Variants in MMAB observed in about 807,000 individuals in gnomAD.
MMAB encodes the protein metabolism of cobalamin associated B.
MMAB carries 17 observed loss-of-function variants against 30.6 expected under a neutral mutation model. The observed-to-expected ratio is 0.56, with a 90% CI of 0.38 to 0.83. The LOEUF is 0.83. MMAB is among the 40% of genes least tolerant of loss of function. The probability of loss-of-function intolerance (pLI) is 0.00; values close to 1 mark genes in which losing one functional copy is unlikely to be tolerated. For synonymous variants in MMAB, 134 were observed against 138.6 expected, an observed-to-expected ratio of 0.97 and a Z score of 0.23; for missense variants, 311 against 331.6, an observed-to-expected ratio of 0.94 and a Z score of 0.48.
Position 109,556,642 on chromosome 12 carries a change from T to TCACACA in MMAB, c.*385_*386insTGTGTG, listed in dbSNP as rs768010057. On this transcript the variant is annotated 3_prime_UTR_variant, in exon 9 of 9. Coordinates refer to ENST00000545712, the MANE Select transcript of MMAB (RefSeq NM_052845.4). ...CAACCTGAGCTGGCAGTGGGAGGGC[T>TCACACA]CTCTCTCACACACACACACACACAC... 2.4e-6 allele frequency: 1 copy of TCACACA among 410,752 alleles called. No individual in the cohort carries two copies. The highest frequency in any genetic ancestry group is 2.8e-5 in the African/African-American group (1 of 35,994). 25.4% of individuals were successfully genotyped at this position (410,752 alleles called of 1,614,324 possible).
intron 2 of MMAB, 116 bp from the exon 3 acceptor site, chr12:109,568,979 T>A: frequency 1.2e-6 from 1 of 802,762 alleles, no homozygotes; most frequent in East Asian, 2.7e-5. Flanking sequence ...GAACAGTCAC[T>A]CTGTCATCCA....
Position 109,571,632 on chromosome 12 carries a change from A to C in MMAB, c.196+17T>G. On this transcript the variant is annotated intron_variant, in intron 2 of 8. Transcript: ENST00000545712. ...CCATGAGTATTTCTTTGCATTTTTCACCTGTCCCCACCCTACCTTTGTCTC... is the reference window on the plus strand; with the variant it reads ...CCATGAGTATTTCTTTGCATTTTTCCCCTGTCCCCACCCTACCTTTGTCTC... 6.2e-7 allele frequency: 1 copy of C among 1,612,130 alleles called. No individual in the cohort carries two copies. Among genetic ancestry groups the C allele is most frequent in the Non-Finnish European group, 8.5e-7 (1 of 1,178,248 alleles).
chr12:109,555,153 T>TTA lies in MMAB; in HGVS notation c.*1873_*1874dup, dbSNP rs10623308. On this transcript the variant is annotated 3_prime_UTR_variant, in exon 9 of 9. Transcript: ENST00000545712. ...AGGCATGCAGGGCTGCTGTGTTATT[T>TTA]TATATATATATATATATTCCAGGAA... 0.15 allele frequency: 66,961 copies of TTA among 438,684 alleles called. 2,757 individuals carry two copies. Among genetic ancestry groups the TTA allele is most frequent in the Middle Eastern group, 0.18 (243 of 1,386 alleles). The allele number at this position is 438,684 out of a possible 1,614,324, so 27.2% of individuals were successfully genotyped here.
intron 3 of MMAB, chr12:109,567,244 A>G (rs966635924): frequency 2.8e-6 from 1 of 353,724 alleles, no homozygotes; most frequent in Non-Finnish European, 5.6e-6. Context: ...CCTCAGGGTG[A>G]AACATGGAAT....
chr12:109,565,585 T>C (rs575448771), intron 3 of MMAB, among the ~76,000 whole-genome samples: 1 of 152,308 alleles, frequency 6.6e-6, no homozygotes, highest in African/African-American at 2.4e-5. Context: ...CAGGTGCAAA[T>C]TCTGCACCGC....
At position 109,558,322 on chromosome 12, in the gene MMAB, G is replaced by A. The variant is rs116814645; in HGVS notation, c.644+774C>T. On this transcript the variant is annotated intron_variant, in intron 8 of 8. Transcript: ENST00000545712. The surrounding 1 kb of genome is among the most constrained non-coding windows in gnomAD (Gnocchi z 4.3). ...TGAAGTAGACCTGCTCCTCACTCCC[G>A]GCGAAACCCCCCTCCCAGAAGGAAA... 5.8e-3 allele frequency among the ~76,000 whole-genome samples: 876 copies of A among 152,172 alleles called. 16 individuals are homozygous for A. Among genetic ancestry groups the A allele is most frequent in the African/African-American group, 0.02 (839 of 41,510 alleles).
chr12:109,564,298 A>G (rs1884328581), intron 4 of MMAB, among the ~76,000 whole-genome samples: 1 of 151,930 alleles, frequency 6.6e-6, no homozygotes, highest in South Asian at 2.1e-4. Context: ...TGCATTTTAA[A>G]TTCCCTCATT....
chr12:109,558,934 C>T lies in MMAB; in HGVS notation c.644+162G>A, dbSNP rs1168061569. Among the ~76,000 whole-genome samples the T allele has an allele frequency of 6.6e-6, 1 of 152,152 alleles. No individual in the cohort carries two copies. On this transcript the variant is annotated intron_variant, in intron 8 of 8. Coordinates refer to ENST00000545712, the MANE Select transcript of MMAB (RefSeq NM_052845.4). This position sits in a 1 kb window ranked among gnomAD's most constrained non-coding sequence, Gnocchi z 4.3. ...TCACCACTGCCTCCCCTGTGCCCGG[C>T]GTGGTGCCTGGCACAGAGCAGATGT... is the stretch of plus-strand genomic sequence containing the variant.
Position 109,559,151 on chromosome 12 carries a change from C to A in MMAB, c.589G>T (p.Val197Leu), listed in dbSNP as rs780166156. The A allele has an allele frequency of 7.4e-6, 12 of 1,613,258 alleles. No homozygotes were observed. In the South Asian group the frequency reaches 1.3e-4, roughly 18 times the overall value. ...AVCRRAERRV[V>L]PLVQMGETDA... ...GTCTCTCCCATCTGGACAAGAGGCA[C>A]CACACTAGAAAGGGAGGAGACACTG... Residue 197 changes from valine to leucine, a missense_variant, in exon 8 of 9, where the codon GTG becomes TTG. Coordinates refer to ENST00000545712, the MANE Select transcript of MMAB (RefSeq NM_052845.4).
intron 3 of MMAB, among the ~76,000 whole-genome samples, chr12:109,567,612 A>C (rs1289576300): frequency 6.6e-6 from 1 of 152,122 alleles, no homozygotes; most frequent in Non-Finnish European, 1.5e-5. Flanking sequence ...AATGTGAATA[A>C]ATGGAAGGCA....
At chr12:109,570,831 G>A (rs1315605447) in intron 2 of MMAB, among the ~76,000 whole-genome samples, 2 of 144,454 alleles carry the variant, frequency 1.4e-5, no homozygotes, top group Non-Finnish European at 3.0e-5. Context: ...CCATGACTGA[G>A]CCACTGCACT....
rs768571816 is a variant in MMAB, at chr12:109,553,889, G to A, written c.*3139C>T. 4.8e-5 allele frequency: 22 copies of A among 453,978 alleles called. No individual in the cohort carries two copies. The highest frequency in any genetic ancestry group is 1.4e-4 in the South Asian group (9 of 64,478). 28.1% of individuals were successfully genotyped at this position (453,978 alleles called of 1,614,324 possible). A position where few individuals can be genotyped will look rare whatever the true frequency, so the allele number is the denominator to read the frequency against. The stretch of plus-strand genomic sequence containing the variant: ...GCAAGGGTGACATTGCCACTGACGG[G>A]GGCTTCCGAACTGGGGACGTTTGTC... On this transcript the variant is annotated 3_prime_UTR_variant, in exon 9 of 9. Coordinates refer to ENST00000545712, the MANE Select transcript of MMAB (RefSeq NM_052845.4).
Position 109,556,222 on chromosome 12 carries a change from G to A in MMAB, c.*806C>T. On this transcript the variant is annotated 3_prime_UTR_variant, in exon 9 of 9. Coordinates refer to ENST00000545712, the MANE Select transcript of MMAB (RefSeq NM_052845.4). ...GTGCAACATCGGAGAAATCAGTCTG[G>A]TGGATGTCAGCCTTGCTGGAAACTG... 1 of 454,126 alleles carries A rather than the reference G, an allele frequency of 2.2e-6. No homozygotes were observed. 28.1% of individuals were successfully genotyped at this position (454,126 alleles called of 1,614,324 possible). A position where few individuals can be genotyped will look rare whatever the true frequency, so the allele number is the denominator to read the frequency against.
At chr12:109,560,794 T>C (rs540067861) in intron 7 of MMAB, among the ~76,000 whole-genome samples, 1 of 152,344 alleles carries the variant, frequency 6.6e-6, no homozygotes, top group South Asian at 2.1e-4. Flanking sequence ...CTTCACAACA[T>C]GGTGCTCTGA....
intron 4 of MMAB, among the ~76,000 whole-genome samples, chr12:109,564,099 G>A (rs767483404): frequency 1.3e-5 from 2 of 152,212 alleles, no homozygotes; most frequent in Admixed American, 6.5e-5. Context: ...ACTTCACACC[G>A]GCTTTCTCAG....
chr12:109,572,555 GATT>G (rs1373686660), intron 1 of MMAB, among the ~76,000 whole-genome samples: 1 of 151,358 alleles, frequency 6.6e-6, no homozygotes, highest in Non-Finnish European at 1.5e-5. Context: ...TCTGGCCTAT[GATT>G]ATTTTGTTCA....
At chr12:109,557,240 G>A (rs1884013049) in intron 8 of MMAB, 104 bp from the exon 9 acceptor site, 1 of 815,048 alleles carries the variant, frequency 1.2e-6, no homozygotes, top group African/African-American at 1.7e-5. Flanking sequence ...TATAAATGAC[G>A]CACTCTGGGC....
rs371092213 is a variant in MMAB, at chr12:109,561,829, G to A, written c.372C>T (p.Val124=). Residue 124 remains valine (V), a synonymous_variant, in exon 5 of 9, where the codon GTC becomes GTT. Coordinates refer to ENST00000545712, the MANE Select transcript of MMAB (RefSeq NM_052845.4). This position sits in a 1 kb window ranked among gnomAD's most constrained non-coding sequence, Gnocchi z 5.3. ...LQKIQCTLQD[V]GSALATPCSS... ...AGCATGGTGTCGCCAGGGCCGAGCCGACGTCCTGCAATGTGCACTGGATCT... is the reference window on the plus strand; with the variant it reads ...AGCATGGTGTCGCCAGGGCCGAGCCAACGTCCTGCAATGTGCACTGGATCT... 2.1e-5 allele frequency: 33 copies of A among 1,608,106 alleles called. No homozygotes were observed. Among genetic ancestry groups the A allele is most frequent in the Admixed American group, 6.7e-5 (4 of 59,528 alleles).
rs1481802291 is a variant in MMAB, at chr12:109,558,273, A to G, written c.644+823T>C. On this transcript the variant is annotated intron_variant, in intron 8 of 8. Coordinates refer to ENST00000545712, the MANE Select transcript of MMAB (RefSeq NM_052845.4). This position sits in a 1 kb window ranked among gnomAD's most constrained non-coding sequence, Gnocchi z 4.3. ...GGCCTGTCCCGTGCAATGCTATGGG[A>G]CCGCAGGGTTGCTGCTTTGAAGGTG... 4.6e-5 allele frequency among the ~76,000 whole-genome samples: 7 copies of G among 151,886 alleles called. No homozygotes were observed. The highest frequency in any genetic ancestry group is 4.6e-4 in the Admixed American group (7 of 15,268).
Sources: allele counts gnomAD v4.1 joint callset (sites outside exome capture counted in the v4.1 genomes callset), GRCh38; gene constraint gnomAD v4.1.1; non-coding constraint Gnocchi (gnomAD v3.1); transcripts MANE v1.5; gene names NCBI Gene and HGNC (gene_info 2026-07-23, HGNC 2026-07-21).